The following CPE variants were observed in gnomAD, a reference collection of about 807,000 sequenced individuals.
The protein encoded by CPE is carboxypeptidase E.
Under a neutral mutation model 53.5 loss-of-function variants are expected in CPE, and 17 were observed. That is an observed-to-expected ratio of 0.32 (90% confidence interval 0.22 to 0.48). CPE has a LOEUF of 0.48. Among genes scored for constraint, CPE ranks in the 20% least tolerant of loss-of-function variants. The pLI, the probability that CPE is intolerant of heterozygous loss-of-function variation, is 0.99. For synonymous variants in CPE, 226 were observed against 228.8 expected, an observed-to-expected ratio of 0.99 and a Z score of 0.11; for missense variants, 524 against 614.7, an observed-to-expected ratio of 0.85 and a Z score of 1.56.
chr4:165,379,597 G>C lies in CPE; in HGVS notation c.307+69G>C. The C allele has an allele frequency of 7.6e-7, 1 of 1,313,058 alleles. No individual in the cohort carries two copies. The highest frequency in any genetic ancestry group is 1.0e-6 in the Non-Finnish European group (1 of 995,862). The allele number at this position is 1,313,058 out of a possible 1,614,324, so 81.3% of individuals were successfully genotyped here. ...GGGGCGGCAGAGGGTGGGACTGGTG[G>C]CGGTGGGGGAAGGAGGGAGGGATGG... is the stretch of plus-strand genomic sequence containing the variant. On this transcript the variant is annotated intron_variant, in intron 1 of 8. Coordinates refer to ENST00000402744, the MANE Select transcript of CPE (RefSeq NM_001873.4). The surrounding 1 kb of genome is among the most constrained non-coding windows in gnomAD (Gnocchi z 6.0).
rs777794895 is a variant in CPE, at chr4:165,482,229, C to T, written c.673-13C>T. The T allele has an allele frequency of 6.6e-7, 1 of 1,519,624 alleles. No individual in the cohort carries two copies. The highest frequency in any genetic ancestry group is 9.1e-7 in the Non-Finnish European group (1 of 1,099,804). The allele number at this position is 1,519,624 out of a possible 1,614,324, so 94.1% of individuals were successfully genotyped here. Reference sequence around the variant, plus strand: ...ATTAAATTTATAATCCTTTTAATCTCTCATCTGAACAGCTTGCTCCTGAGA... The same window carrying T: ...ATTAAATTTATAATCCTTTTAATCTTTCATCTGAACAGCTTGCTCCTGAGA... On this transcript the variant is annotated splice_polypyrimidine_tract_variant and intron_variant, in intron 3 of 8. Transcript: ENST00000402744.
chr4:165,400,766 A>G (rs1730851867), intron 1 of CPE, among the ~76,000 whole-genome samples: 1 of 152,198 alleles, frequency 6.6e-6, no homozygotes. Flanking sequence ...TTGAAAGATT[A>G]CATACTATTT....
In CPE at chr4:165,497,781, A is replaced by G. The variant is rs1732729055; in HGVS notation, c.*171A>G. Reference sequence around the variant, plus strand: ...ATAGCCTCTTAGGTAAAAATATAAGAACTTGATATATTTCATTCTCTTATA... The same window carrying G: ...ATAGCCTCTTAGGTAAAAATATAAGGACTTGATATATTTCATTCTCTTATA... On this transcript the variant is annotated 3_prime_UTR_variant, in exon 9 of 9. Transcript: ENST00000402744. 2.8e-6 allele frequency: 1 copy of G among 355,472 alleles called. No homozygotes were observed. 22.0% of individuals were successfully genotyped at this position (355,472 alleles called of 1,614,324 possible). A position where few individuals can be genotyped will look rare whatever the true frequency, so the allele number is the denominator to read the frequency against.
At chr4:165,458,947 GCTC>G (rs1731948058) in intron 1 of CPE, among the ~76,000 whole-genome samples, 1 of 152,166 alleles carries the variant, frequency 6.6e-6, no homozygotes, top group African/African-American at 2.4e-5. Context: ...TTTATGTCAT[GCTC>G]ACCCTACTGA....
At chr4:165,384,575 C>A (rs938341794) in intron 1 of CPE, among the ~76,000 whole-genome samples, 1 of 152,186 alleles carries the variant, frequency 6.6e-6, no homozygotes, top group Non-Finnish European at 1.5e-5. Context: ...ATGATTGTAC[C>A]ACTGCACTCC....
intron 8 of CPE, among the ~76,000 whole-genome samples, chr4:165,496,872 G>T (rs1317428298): frequency 6.6e-6 from 1 of 152,184 alleles, no homozygotes; most frequent in Non-Finnish European, 1.5e-5. Context: ...CTGACAGGAG[G>T]TGCTCACTAA....
At chr4:165,387,633 A>G (rs1194904700) in intron 1 of CPE, among the ~76,000 whole-genome samples, 1 of 152,066 alleles carries the variant, frequency 6.6e-6, no homozygotes, top group Non-Finnish European at 1.5e-5. Context: ...ACATGGTGAA[A>G]CCCCGTCTCT....
At chr4:165,453,765 C>A (rs1478086986) in intron 1 of CPE, among the ~76,000 whole-genome samples, 1 of 152,122 alleles carries the variant, frequency 6.6e-6, no homozygotes, top group Non-Finnish European at 1.5e-5. Context: ...GAGGGAGACC[C>A]AAAGCAGCCC....
intron 3 of CPE, among the ~76,000 whole-genome samples, chr4:165,468,344 C>T (rs1234463284): frequency 6.6e-6 from 1 of 152,092 alleles, no homozygotes; most frequent in Non-Finnish European, 1.5e-5. Flanking sequence ...TTATTTGCTT[C>T]CCTGGGCTTC....
chr4:165,438,736 A>G (rs1291378294), intron 1 of CPE, among the ~76,000 whole-genome samples: 1 of 152,188 alleles, frequency 6.6e-6, no homozygotes, highest in African/African-American at 2.4e-5. Context: ...GCTAGTGGGT[A>G]GTAAGGATTG....
chr4:165,411,462 C>T (rs1731040804), intron 1 of CPE, among the ~76,000 whole-genome samples: 1 of 152,292 alleles, frequency 6.6e-6, no homozygotes, highest in African/African-American at 2.4e-5. Flanking sequence ...TGACATTCTA[C>T]ACAGTTGGTA....
chr4:165,408,790 G>A lies in CPE; in HGVS notation c.307+29262G>A, dbSNP rs146582031. Among the ~76,000 whole-genome samples, 83 of 152,314 alleles carry A rather than the reference G, an allele frequency of 5.4e-4. No individual in the cohort carries two copies. In the East Asian group the frequency reaches 0.012, roughly 23 times the overall value. On this transcript the variant is annotated intron_variant, in intron 1 of 8. Coordinates refer to ENST00000402744, the MANE Select transcript of CPE (RefSeq NM_001873.4). ...ACTTTGAGAGCCATTGTAATGCACT[G>A]CGATGGTTCCCCTGTGTATCCTGAT...
rs530178465 is a variant in CPE, at chr4:165,485,223, C to T, written c.973+619C>T. ...CTCTCTTGCCTTCCTTGTCCCAAGG[C>T]GGACTTTACAGAGCTCGTATTTTCA... On this transcript the variant is annotated intron_variant, in intron 5 of 8. Coordinates refer to ENST00000402744, the MANE Select transcript of CPE (RefSeq NM_001873.4). 9.0e-4 allele frequency among the ~76,000 whole-genome samples: 137 copies of T among 152,216 alleles called. 1 individual carries two copies. Among genetic ancestry groups the T allele is most frequent in the African/African-American group, 3.2e-3 (133 of 41,524 alleles).
chr4:165,394,785 A>G (rs1163260779), intron 1 of CPE, among the ~76,000 whole-genome samples: 1 of 152,174 alleles, frequency 6.6e-6, no homozygotes, highest in Non-Finnish European at 1.5e-5. Flanking sequence ...ATGTTTTCCA[A>G]ACCAACAATC....
chr4:165,478,728 C>T (rs1316199664), intron 3 of CPE, among the ~76,000 whole-genome samples: 5 of 152,164 alleles, frequency 3.3e-5, no homozygotes, highest in African/African-American at 1.2e-4. Context: ...CCATTCTGAA[C>T]ACTTTTAGGT....
At position 165,404,870 on chromosome 4, in the gene CPE, C is replaced by G. The variant is rs553501615; in HGVS notation, c.307+25342C>G. 113 of 763,312 alleles carry G rather than the reference C, an allele frequency of 1.5e-4. 1 individual carries two copies. In the African/African-American group the frequency reaches 1.9e-3, roughly 13 times the overall value. 47.3% of individuals were successfully genotyped at this position (763,312 alleles called of 1,614,324 possible). ...GTCTGCGGGAGAGAAGTAGTGCCTG[C>G]CAATCACCTTCTCAGGTCTTTTGCT... On this transcript the variant is annotated intron_variant, in intron 1 of 8. Coordinates refer to ENST00000402744, the MANE Select transcript of CPE (RefSeq NM_001873.4).
intron 3 of CPE, among the ~76,000 whole-genome samples, chr4:165,478,261 C>T (rs757476230): frequency 1.6e-4 from 25 of 152,290 alleles, no homozygotes; most frequent in Non-Finnish European, 2.5e-4. Flanking sequence ...TTTAAAGGTA[C>T]TCCAAAGTCT....
chr4:165,384,602 C>T (rs1340405889), intron 1 of CPE, among the ~76,000 whole-genome samples: 9 of 152,044 alleles, frequency 5.9e-5, no homozygotes, highest in African/African-American at 4.8e-5. Context: ...GGCGACAGAG[C>T]GAGACCCTAT....
intron 2 of CPE, among the ~76,000 whole-genome samples, chr4:165,466,744 C>A (rs1404497683): frequency 2.6e-5 from 4 of 152,126 alleles, no homozygotes; most frequent in Non-Finnish European, 4.4e-5. Context: ...TCTTGATCTC[C>A]TGACCTCATG....
Sources: allele counts gnomAD v4.1 joint callset (sites outside exome capture counted in the v4.1 genomes callset), GRCh38; gene constraint gnomAD v4.1.1; non-coding constraint Gnocchi (gnomAD v3.1); transcripts MANE v1.5; gene names NCBI Gene and HGNC (gene_info 2026-07-23, HGNC 2026-07-21).